SLC38A10: variants seen among roughly 807,000 people sequenced by gnomAD.
SLC38A10 encodes the protein Sodium-coupled neutral amino acid transporter 10.
In SLC38A10, 53 loss-of-function variants were observed where a neutral mutation model predicts 81.0. The observed-to-expected ratio is 0.65, with a 90% CI of 0.53 to 0.82. The LOEUF (loss-of-function observed/expected upper bound fraction) is 0.82. Among genes scored for constraint, SLC38A10 ranks in the 40% least tolerant of loss-of-function variants. The pLI is 0.00. For missense variants in SLC38A10, 1,471 were observed against 1,545.0 expected (o/e 0.95, Z 0.80); for synonymous variants, 665 against 655.3 (o/e 1.01, Z -0.23).
At chr17:81,278,213 C>CACCAGCACAGTGGCCAG (rs1406415551) in intron 6 of SLC38A10, among the ~76,000 whole-genome samples, 1 of 152,118 alleles carries the variant, frequency 6.6e-6, no homozygotes, top group African/African-American at 2.4e-5. Flanking sequence ...CACAGGACAT[C>CACCAGCACAGTGGCCAG]CTGACTTTAT....
Position 81,283,311 on chromosome 17 carries a change from G to C in SLC38A10, c.357+98C>G. On this transcript the variant is annotated intron_variant, in intron 4 of 15. Coordinates refer to ENST00000374759, the MANE Select transcript of SLC38A10 (RefSeq NM_001037984.3). The surrounding 1 kb of genome is among the most constrained non-coding windows in gnomAD (Gnocchi z 4.7). ...AGCAGGCTCGACAGAAGCTTCTCCC[G>C]ACCAGCACCCAGGTCTCGGTCCTCG... The C allele has an allele frequency of 9.0e-7, 1 of 1,108,838 alleles. No homozygotes were observed. Among genetic ancestry groups the C allele is most frequent in the Non-Finnish European group, 1.3e-6 (1 of 755,082 alleles). The allele number at this position is 1,108,838 out of a possible 1,614,324, so 68.7% of individuals were successfully genotyped here. A position where few individuals can be genotyped will look rare whatever the true frequency, so the allele number is the denominator to read the frequency against.
chr17:81,275,497 G>T (rs1030577912), intron 8 of SLC38A10, among the ~76,000 whole-genome samples: 2 of 151,694 alleles, frequency 1.3e-5, no homozygotes, highest in Non-Finnish European at 1.5e-5. Flanking sequence ...ACTTTGGGAG[G>T]CCGAGACGGG....
intron 10 of SLC38A10, among the ~76,000 whole-genome samples, chr17:81,269,660 G>A (rs560603264): frequency 7.2e-5 from 11 of 152,196 alleles, no homozygotes; most frequent in African/African-American, 2.4e-4. Context: ...TGCTCTGGAT[G>A]GTGGTTCCAC....
At chr17:81,284,461 G>A (rs1228867306) in intron 3 of SLC38A10, among the ~76,000 whole-genome samples, 1 of 152,194 alleles carries the variant, frequency 6.6e-6, no homozygotes, top group Non-Finnish European at 1.5e-5. Context: ...TAATTTAGAA[G>A]CCTAGAAGTG....
Position 81,282,292 on chromosome 17 carries a change from G to A in SLC38A10, c.398C>T (p.Ser133Leu), listed in dbSNP as rs760948464. Residue 133 changes from serine to leucine, a missense_variant, in exon 5 of 16, where the codon TCG (serine) becomes TTG (leucine). Around this residue, in one of 2 missense-constraint regions of SLC38A10, gnomAD observed 720 missense variants for 827.7 expected, o/e 0.87. Coordinates refer to ENST00000374759, the MANE Select transcript of SLC38A10 (RefSeq NM_001037984.3). ...GCTGAGCGGGAGCACGATGCACAGC[G>A]ACACGGCGAACAGCAGGAACATGCG... ...TFRMFLLFAV[S>L]LCIVLPLSLQ... is the part of the protein sequence containing the mutation. 17 of 1,613,226 alleles carry A rather than the reference G, an allele frequency of 1.1e-5. No homozygotes were observed. Among genetic ancestry groups the A allele is most frequent in the Middle Eastern group, 1.6e-4 (1 of 6,084 alleles).
intron 1 of SLC38A10, among the ~76,000 whole-genome samples, chr17:81,293,379 CCT>C (rs907039043): frequency 2.0e-5 from 3 of 152,254 alleles, no homozygotes; most frequent in Non-Finnish European, 2.9e-5. Context: ...CCTGTCTTCC[CCT>C]GACAGGCTCA....
chr17:81,266,158 C>T (rs991255787), intron 10 of SLC38A10, among the ~76,000 whole-genome samples: 2 of 152,142 alleles, frequency 1.3e-5, no homozygotes, highest in Non-Finnish European at 2.9e-5. Context: ...ACGCCACACA[C>T]GGGCAAGAGA....
At chr17:81,278,671 C>T (rs1291519910) in intron 6 of SLC38A10, among the ~76,000 whole-genome samples, 1 of 152,172 alleles carries the variant, frequency 6.6e-6, no homozygotes, top group Non-Finnish European at 1.5e-5. Context: ...CAGAAGAAGG[C>T]CATGTTGCGG....
chr17:81,253,068 A>G lies in SLC38A10; in HGVS notation c.1456+5T>C. ...CCATCCGCACCCCCAGCCAGTGCCC[A>G]GCACCTTGCCCAGGGCGATCGAGCT... On this transcript the variant is annotated splice_donor_5th_base_variant and intron_variant, in intron 12 of 15. Transcript: ENST00000374759. This position sits in a 1 kb window ranked among gnomAD's most constrained non-coding sequence, Gnocchi z 4.1. The G allele has an allele frequency of 6.2e-7, 1 of 1,612,236 alleles. No homozygotes were observed. Among genetic ancestry groups the G allele is most frequent in the Non-Finnish European group, 8.5e-7 (1 of 1,179,930 alleles).
At chr17:81,257,601 G>A (rs910415439) in intron 11 of SLC38A10, among the ~76,000 whole-genome samples, 2 of 152,232 alleles carry the variant, frequency 1.3e-5, no homozygotes, top group Admixed American at 1.3e-4. Flanking sequence ...CACGTGACCT[G>A]CCTCCACGCA....
At chr17:81,251,732 C>T (rs555326012) in intron 13 of SLC38A10, 120 bp from the exon 14 acceptor site, 96 of 1,086,012 alleles carry the variant, frequency 8.8e-5, no homozygotes, top group Non-Finnish European at 1.0e-4. Flanking sequence ...TAAAGTGACA[C>T]CCCCGTCAGC....
At position 81,252,695 on chromosome 17, in the gene SLC38A10, C is replaced by G; in HGVS notation, c.1457-12G>C. On this transcript the variant is annotated splice_polypyrimidine_tract_variant and intron_variant, in intron 12 of 15. Coordinates refer to ENST00000374759, the MANE Select transcript of SLC38A10 (RefSeq NM_001037984.3). ...AGGCACAGCAATCCCTGCAAGGGCA[C>G]GGGGGACAGATGGGGTCAGGCTGAG... 6.3e-7 allele frequency: 1 copy of G among 1,586,290 alleles called. No homozygotes were observed. The highest frequency in any genetic ancestry group is 1.3e-5 in the African/African-American group (1 of 74,452).
At chr17:81,249,989 G>T (rs1337954380) in intron 14 of SLC38A10, 1 of 1,220,272 alleles carries the variant, frequency 8.2e-7, no homozygotes, top group Non-Finnish European at 1.1e-6. Flanking sequence ...CCTGGGGCAG[G>T]TGTGCCACCG....
chr17:81,257,025 T>C (rs1198471445), intron 11 of SLC38A10, among the ~76,000 whole-genome samples: 1 of 152,238 alleles, frequency 6.6e-6, no homozygotes, highest in Admixed American at 6.5e-5. Context: ...GAGCACCGAA[T>C]GGTCCGTGAG....
At chr17:81,258,490 G>A (rs1357448039) in intron 11 of SLC38A10, among the ~76,000 whole-genome samples, 2 of 152,178 alleles carry the variant, frequency 1.3e-5, no homozygotes, top group Non-Finnish European at 2.9e-5. Flanking sequence ...ACAGCTGCTT[G>A]CACCGGCCGC....
rs1204456954 is a variant in SLC38A10, at chr17:81,289,323, C to T, written c.217+368G>A. Among the ~76,000 whole-genome samples the T allele has an allele frequency of 2.0e-5, 3 of 151,810 alleles. No individual in the cohort carries two copies. The highest frequency in any genetic ancestry group is 4.8e-5 in the African/African-American group (2 of 41,296). On this transcript the variant is annotated intron_variant, in intron 2 of 15. Transcript: ENST00000374759. The surrounding 1 kb of genome is among the most constrained non-coding windows in gnomAD (Gnocchi z 5.9). ...TGCCAAAGTGCTGGGATTACAGGCA[C>T]GAGCCACCACGCCCGGCAGGTTTTT...
At chr17:81,275,731 C>CAAAAAGAAAAAAA (rs2063154674) in intron 8 of SLC38A10, among the ~76,000 whole-genome samples, 1 of 108,228 alleles carries the variant, frequency 9.2e-6, no homozygotes, top group Non-Finnish European at 1.8e-5. Context: ...AACTCCGTCT[C>CAAAAAGAAAAAAA]AAAAAAAAAG....
At chr17:81,291,254 G>A (rs2063308041) in intron 1 of SLC38A10, among the ~76,000 whole-genome samples, 1 of 152,030 alleles carries the variant, frequency 6.6e-6, no homozygotes, top group Admixed American at 6.6e-5. Flanking sequence ...GCCGAGGCAG[G>A]TGGATCATTT....
rs915340031 is a variant in SLC38A10 at position 81,253,300 on chromosome 17, T to G, written c.1289-60A>C. Reference sequence around the variant, plus strand: ...CAAGCAGCTCCAGGAGCGGGGCAGCTCTCCCTGGACTGTTACCATATTTTC... The same window carrying G: ...CAAGCAGCTCCAGGAGCGGGGCAGCGCTCCCTGGACTGTTACCATATTTTC... On this transcript the variant is annotated intron_variant, in intron 11 of 15. Coordinates refer to ENST00000374759, the MANE Select transcript of SLC38A10 (RefSeq NM_001037984.3). This position sits in a 1 kb window ranked among gnomAD's most constrained non-coding sequence, Gnocchi z 4.1. 9 of 1,581,494 alleles carry G rather than the reference T, an allele frequency of 5.7e-6. No individual in the cohort carries two copies. The highest frequency in any genetic ancestry group is 7.8e-6 in the Non-Finnish European group (9 of 1,160,118).
Sources: allele counts gnomAD v4.1 joint callset (sites outside exome capture counted in the v4.1 genomes callset), GRCh38; gene constraint gnomAD v4.1.1; regional missense constraint gnomAD v4.1.1; non-coding constraint Gnocchi (gnomAD v3.1); transcripts MANE v1.5; gene names NCBI Gene and HGNC (gene_info 2026-07-23, HGNC 2026-07-21).